The following NARS2 variants were observed in gnomAD, a reference collection of about 807,000 sequenced individuals.
NARS2 encodes the protein asparaginyl-tRNA synthetase.
A neutral mutation model predicts 62.9 loss-of-function variants in NARS2; 60 were observed. The ratio of observed to expected loss-of-function variants is 0.95; its 90% CI spans 0.77 to 1.18. The LOEUF (loss-of-function observed/expected upper bound fraction) is 1.18, where lower values mean the gene tolerates loss of function less well. Ranked by LOEUF, NARS2 falls within the 50% of genes most tolerant of loss-of-function variation. The pLI, the probability that NARS2 is intolerant of heterozygous loss-of-function variation, is 0.00. For synonymous variants in NARS2, 196 were observed against 200.0 expected (o/e 0.98, Z 0.17); for missense variants, 619 against 576.4 (o/e 1.07, Z -0.76).
chr11:78,557,005 C>T (rs930494525), intron 5 of NARS2, among the ~76,000 whole-genome samples: 1 of 152,100 alleles, frequency 6.6e-6, no homozygotes, highest in Non-Finnish European at 1.5e-5. Flanking sequence ...ACAGATGGCA[C>T]CAAATGTCCG....
intron 11 of NARS2, among the ~76,000 whole-genome samples, chr11:78,446,474 A>G (rs1857764849): frequency 6.6e-6 from 1 of 152,166 alleles, no homozygotes; most frequent in South Asian, 2.1e-4. Context: ...GCTTTTAGAT[A>G]TGGCTAAAAT....
At chr11:78,446,149 A>T (rs930518397) in intron 11 of NARS2, among the ~76,000 whole-genome samples, 1 of 152,220 alleles carries the variant, frequency 6.6e-6, no homozygotes, top group African/African-American at 2.4e-5. Flanking sequence ...TAAACATTTT[A>T]AAAACTTTGC....
intron 6 of NARS2, among the ~76,000 whole-genome samples, chr11:78,513,493 G>A (rs1217953440): frequency 6.6e-6 from 1 of 151,776 alleles, no homozygotes; most frequent in Non-Finnish European, 1.5e-5. Flanking sequence ...GTAAGAACAC[G>A]TGGGCCGGGT....
At chr11:78,485,698 A>C (rs570095294) in intron 7 of NARS2, among the ~76,000 whole-genome samples, 2 of 152,114 alleles carry the variant, frequency 1.3e-5, no homozygotes, top group Non-Finnish European at 2.9e-5. Context: ...TTTGTCCCCC[A>C]GTCTTTTCTC....
intron 7 of NARS2, among the ~76,000 whole-genome samples, chr11:78,485,913 C>T (rs149152355): frequency 1.5e-4 from 23 of 152,200 alleles, no homozygotes; most frequent in African/African-American, 4.6e-4. Flanking sequence ...TTGCTCTTGT[C>T]GCCCAGGCTG....
chr11:78,491,030 T>C (rs78390070), intron 7 of NARS2, among the ~76,000 whole-genome samples: 1,882 of 152,266 alleles, frequency 0.012, 31 homozygotes, highest in African/African-American at 0.043. Flanking sequence ...TAAAATATAA[T>C]TGTAGAACAA....
chr11:78,546,006 G>A (rs575109070), intron 5 of NARS2, among the ~76,000 whole-genome samples: 121 of 152,160 alleles, frequency 8.0e-4, no homozygotes, highest in African/African-American at 2.4e-3. Context: ...AAAATTTAGC[G>A]GCTTAAAATG....
intron 11 of NARS2, 68 bp from the exon 12 acceptor site, chr11:78,443,826 A>G: frequency 8.4e-7 from 1 of 1,193,602 alleles, no homozygotes; most frequent in East Asian, 2.4e-5. Flanking sequence ...TTCTGAAGCA[A>G]GTAAACCTTT....
intron 2 of NARS2, among the ~76,000 whole-genome samples, chr11:78,571,093 G>A (rs761168906): frequency 1.4e-4 from 22 of 152,144 alleles, no homozygotes; most frequent in Non-Finnish European, 2.9e-4. Flanking sequence ...AGGTAATTAA[G>A]AAAGACTGAA....
chr11:78,564,540 T>C (rs894308473), intron 4 of NARS2, among the ~76,000 whole-genome samples: 1 of 152,204 alleles, frequency 6.6e-6, no homozygotes, highest in Non-Finnish European at 1.5e-5. Context: ...TACTTTTTAA[T>C]TGTTTACATA....
At chr11:78,568,522 T>C in intron 3 of NARS2, 110 bp downstream of exon 3, 3 of 1,323,448 alleles carry the variant, frequency 2.3e-6, no homozygotes, top group Non-Finnish European at 3.1e-6. Flanking sequence ...CAATTATCTG[T>C]CACAAATGAA....
In NARS2 at chr11:78,514,485, C is replaced by T. The variant is rs543727519; in HGVS notation, c.689+14357G>A. On this transcript the variant is annotated intron_variant, in intron 6 of 13. Coordinates refer to ENST00000281038, the MANE Select transcript of NARS2 (RefSeq NM_024678.6). The stretch of plus-strand genomic sequence containing the variant: ...ATCTCACTACAGTAACCTGCACTTG[C>T]TTTTAGAGAATATCAACAGGCACAG... Among the ~76,000 whole-genome samples the T allele has an allele frequency of 2.6e-3, 396 of 152,304 alleles. 1 individual carries two copies. Among genetic ancestry groups the T allele is most frequent in the Non-Finnish European group, 4.4e-3 (300 of 68,030 alleles).
intron 5 of NARS2, among the ~76,000 whole-genome samples, chr11:78,545,073 C>T (rs985148780): frequency 6.6e-6 from 1 of 152,114 alleles, no homozygotes. Flanking sequence ...ATAAAGGCTA[C>T]TTACATTCTT....
At chr11:78,501,809 G>A (rs1860292325) in intron 6 of NARS2, among the ~76,000 whole-genome samples, 1 of 152,076 alleles carries the variant, frequency 6.6e-6, no homozygotes, top group Admixed American at 6.5e-5. Flanking sequence ...ATTAAACATA[G>A]AATGACCCAA....
chr11:78,484,442 G>A (rs1372586265), intron 7 of NARS2, among the ~76,000 whole-genome samples: 3 of 152,074 alleles, frequency 2.0e-5, no homozygotes, highest in Non-Finnish European at 4.4e-5. Flanking sequence ...TACCACCAGA[G>A]TAAAGAGGCA....
chr11:78,440,214 C>A (rs536053344), intron 13 of NARS2, among the ~76,000 whole-genome samples: 38 of 152,250 alleles, frequency 2.5e-4, no homozygotes, highest in African/African-American at 9.1e-4. Flanking sequence ...CAGGCACACG[C>A]CACCATGCCC....
intron 7 of NARS2, among the ~76,000 whole-genome samples, chr11:78,490,183 A>G (rs1173521292): frequency 1.3e-5 from 2 of 152,248 alleles, no homozygotes; most frequent in East Asian, 1.9e-4. Context: ...ACTGCTTCAG[A>G]CACCTATTAT....
intron 5 of NARS2, among the ~76,000 whole-genome samples, chr11:78,534,438 T>C (rs1861593838): frequency 1.3e-5 from 2 of 152,224 alleles, no homozygotes; most frequent in Non-Finnish European, 2.9e-5. Flanking sequence ...TTATTTTTTT[T>C]AGGAATCTAT....
chr11:78,548,909 G>C (rs1203548000), intron 5 of NARS2, among the ~76,000 whole-genome samples: 2 of 152,158 alleles, frequency 1.3e-5, no homozygotes, highest in Non-Finnish European at 2.9e-5. Flanking sequence ...TGAGGACAAG[G>C]AGAGTCTGTA....
Sources: gnomAD v4.1 joint callset for allele counts (sites outside exome capture counted in the v4.1 genomes callset) on GRCh38, gnomAD v4.1.1 for gene constraint, MANE v1.5 for transcripts, NCBI Gene and HGNC (gene_info 2026-07-23, HGNC 2026-07-21) for gene names.